RIN2: variants seen among roughly 807,000 people sequenced by gnomAD.
RIN2 encodes the protein RAB5 interacting protein 2.
RIN2 carries 36 observed loss-of-function variants against 78.0 expected under a neutral mutation model. The ratio of observed to expected loss-of-function variants is 0.46; its 90% confidence interval spans 0.35 to 0.61. The LOEUF is 0.61. Ranked by LOEUF, RIN2 falls within the 20% of genes least tolerant of loss-of-function variation. The pLI is 0.00. For synonymous variants in RIN2, 466 were observed against 466.8 expected (o/e 1.00, Z 0.02); for missense variants, 1,087 against 1,159.7 (o/e 0.94, Z 0.91).
chr20:19,968,471 ATGTGCATGTGTG>A (rs958036598), intron 7 of RIN2, among the ~76,000 whole-genome samples: 13 of 152,176 alleles, frequency 8.5e-5, no homozygotes, highest in African/African-American at 1.7e-4. Flanking sequence ...GTGTGCATGC[ATGTGCATGTGTG>A]TGTGCATGTG....
intron 3 of RIN2, among the ~76,000 whole-genome samples, chr20:19,924,149 C>A (rs1195257364): frequency 8.8e-6 from 1 of 113,252 alleles, no homozygotes; most frequent in Admixed American, 8.9e-5. Flanking sequence ...CCTTCATACC[C>A]TACCTCTTTA....
chr20:19,995,715 G>A (rs1483378121), intron 11 of RIN2, among the ~76,000 whole-genome samples: 1 of 152,170 alleles, frequency 6.6e-6, no homozygotes, highest in African/African-American at 2.4e-5. Flanking sequence ...AATCAAGGGA[G>A]AGAAATTATT....
At position 19,796,008 on chromosome 20, in the gene RIN2, G is replaced by T. The variant is rs144993487; in HGVS notation, c.-162-3614G>T. Among the ~76,000 whole-genome samples the T allele has an allele frequency of 5.9e-4, 89 of 152,038 alleles. 1 individual carries two copies. The East Asian group carries it at 0.014, about 24-fold the overall frequency. On this transcript the variant is annotated intron_variant, in intron 1 of 12. Coordinates refer to ENST00000255006, the MANE Select transcript of RIN2 (RefSeq NM_018993.4). ...GGTTGCACCATTGCATTCCAGCCTGGGCGACAGAATGAAGCTGTCTAAAAA... is the reference window on the plus strand; with the variant it reads ...GGTTGCACCATTGCATTCCAGCCTGTGCGACAGAATGAAGCTGTCTAAAAA...
At chr20:19,912,362 C>T (rs2080634667) in intron 3 of RIN2, among the ~76,000 whole-genome samples, 1 of 152,140 alleles carries the variant, frequency 6.6e-6, no homozygotes, top group African/African-American at 2.4e-5. Flanking sequence ...CAGGCCAGAC[C>T]CCTCTCCAGG....
chr20:19,966,236 C>T (rs983970115), intron 7 of RIN2, among the ~76,000 whole-genome samples: 3 of 151,722 alleles, frequency 2.0e-5, no homozygotes, highest in Admixed American at 6.6e-5. Context: ...GAGTTTGGCT[C>T]GGTTTATTTT....
intron 4 of RIN2, among the ~76,000 whole-genome samples, chr20:19,940,819 AC>A (rs2040842613): frequency 6.6e-6 from 1 of 152,096 alleles, no homozygotes; most frequent in Admixed American, 6.5e-5. Context: ...CATCACTTGA[AC>A]CCATCCCCTC....
At chr20:19,794,110 C>A (rs1477574127) in intron 1 of RIN2, among the ~76,000 whole-genome samples, 2 of 25,204 alleles carry the variant, frequency 7.9e-5, no homozygotes, top group Non-Finnish European at 1.4e-4. Context: ...AATAATATAC[C>A]CAAGATCACA....
chr20:19,864,628 C>T (rs979521910), intron 2 of RIN2, among the ~76,000 whole-genome samples: 3 of 152,108 alleles, frequency 2.0e-5, no homozygotes, highest in Admixed American at 6.5e-5. Flanking sequence ...ATATAAGGAG[C>T]GTGGGGTTAA....
At chr20:19,962,332 C>T (rs1047551645) in intron 6 of RIN2, among the ~76,000 whole-genome samples, 4 of 151,412 alleles carry the variant, frequency 2.6e-5, no homozygotes, top group Admixed American at 2.0e-4. Context: ...AAAAAGTCCA[C>T]AAGGCAAGAA....
chr20:19,980,518 A>T (rs2042413257), intron 9 of RIN2, among the ~76,000 whole-genome samples: 1 of 152,152 alleles, frequency 6.6e-6, no homozygotes, highest in South Asian at 2.1e-4. Context: ...ATCACAAAAT[A>T]AGTCACACGA....
intron 8 of RIN2, among the ~76,000 whole-genome samples, chr20:19,973,271 C>G (rs1260467510): frequency 6.6e-6 from 1 of 152,174 alleles, no homozygotes; most frequent in Non-Finnish European, 1.5e-5. Context: ...TTCAAGTGCT[C>G]AATAGCCACC....
rs535994979 is a variant in RIN2, at chr20:19,810,683, C to CTTT, written c.-37+10960_-37+10962dup. On this transcript the variant is annotated intron_variant, in intron 2 of 12. Coordinates refer to ENST00000255006, the MANE Select transcript of RIN2 (RefSeq NM_018993.4). ...TTGATCATGTTAAGATTATAAGGTA[C>CTTT]TTTTTTTTTTTTTTTTTTTTTTTTT... Among the ~76,000 whole-genome samples the CTTT allele has an allele frequency of 1.4e-3, 140 of 99,628 alleles. 14 individuals are homozygous for CTTT. The highest frequency in any genetic ancestry group is 5.3e-3 in the African/African-American group (128 of 24,274). 65.4% of individuals were successfully genotyped at this position (99,628 alleles called of 152,430 possible). A position where few individuals can be genotyped will look rare whatever the true frequency, so the allele number is the denominator to read the frequency against.
intron 12 of RIN2, among the ~76,000 whole-genome samples, chr20:19,998,089 C>T (rs1422421031): frequency 6.6e-6 from 1 of 151,882 alleles, no homozygotes. Flanking sequence ...AACGATTCTC[C>T]TGCCTCAGCC....
At chr20:19,902,200 A>T (rs2039019543) in intron 3 of RIN2, among the ~76,000 whole-genome samples, 2 of 152,096 alleles carry the variant, frequency 1.3e-5, no homozygotes, top group Admixed American at 1.3e-4. Flanking sequence ...CTCCGTGGAC[A>T]CTGTATATAA....
At chr20:19,912,969 C>T (rs1001626289) in intron 3 of RIN2, among the ~76,000 whole-genome samples, 2 of 152,216 alleles carry the variant, frequency 1.3e-5, no homozygotes, top group East Asian at 1.9e-4. Flanking sequence ...TCAGTCCATG[C>T]GCATGGGTCC....
rs765984437 is a variant in RIN2 at position 19,990,291 on chromosome 20, C to T, written c.2048C>T (p.Thr683Met). The T allele has an allele frequency of 5.0e-6, 8 of 1,613,216 alleles. No individual in the cohort carries two copies. The highest frequency in any genetic ancestry group is 3.3e-5 in the South Asian group (3 of 90,856). ...LLLRVCKLIY[T>M]VMENNSGRMY... ...CTGCGGGTCTGCAAGCTCATTTACA[C>T]GGTCATGGAGAACAACTCAGGTGAG... The change falls in exon 10 of 13, where the codon ACG becomes ATG. Residue 683 changes from threonine (T) to methionine (M), a missense_variant. By Grantham distance (81) the Thr-to-Met change is moderately conservative (BLOSUM62 -1). Around this residue, in one of 8 missense-constraint regions of RIN2, gnomAD observed 45 missense variants for 88.1 expected, o/e 0.51. Transcript: ENST00000255006.
chr20:19,997,887 C>T (rs1175255890), intron 12 of RIN2, among the ~76,000 whole-genome samples: 1 of 152,038 alleles, frequency 6.6e-6, no homozygotes, highest in Admixed American at 6.5e-5. Context: ...ATAAAACCTT[C>T]CTGTGGTTTG....
At chr20:19,813,411 T>C (rs2035664348) in intron 2 of RIN2, among the ~76,000 whole-genome samples, 1 of 152,268 alleles carries the variant, frequency 6.6e-6, no homozygotes, top group South Asian at 2.1e-4. Flanking sequence ...TCATTCATTC[T>C]TTCATGGACA....
At chr20:19,884,871 A>G (rs2038131363) in intron 2 of RIN2, among the ~76,000 whole-genome samples, 2 of 152,200 alleles carry the variant, frequency 1.3e-5, no homozygotes, top group South Asian at 4.1e-4. Context: ...ACCAGGCAAA[A>G]AAAGTGAGAT....
Sources: allele counts gnomAD v4.1 joint callset (sites outside exome capture counted in the v4.1 genomes callset), GRCh38; gene constraint gnomAD v4.1.1; regional missense constraint gnomAD v4.1.1; transcripts MANE v1.5; gene names NCBI Gene and HGNC (gene_info 2026-07-23, HGNC 2026-07-21).